The following TMC1 variants were observed in gnomAD, a reference collection of about 807,000 sequenced individuals.
TMC1 encodes the protein transmembrane channel-like protein 1.
In TMC1, 84 loss-of-function variants were observed where a neutral mutation model predicts 105.8. The observed-to-expected ratio is 0.79, with a 90% CI of 0.67 to 0.95. The LOEUF is 0.95. TMC1 is among the 40% of genes least tolerant of loss of function. The probability of loss-of-function intolerance (pLI) is 0.00; values close to 1 mark genes in which losing one functional copy is unlikely to be tolerated. For missense variants in TMC1, 817 were observed against 914.1 expected (o/e 0.89, Z 1.37); for synonymous variants, 315 against 311.5 (o/e 1.01, Z -0.12).
At chr9:72,555,170 C>T in intron 1 of TMC1, among the ~76,000 whole-genome samples, 1 of 150,712 alleles carries the variant, frequency 6.6e-6, no homozygotes, top group South Asian at 2.1e-4. Context: ...AAGCACCTGA[C>T]CTGAATTCTG....
chr9:72,768,331 G>A (rs1827871298), intron 12 of TMC1, among the ~76,000 whole-genome samples: 2 of 151,992 alleles, frequency 1.3e-5, no homozygotes, highest in South Asian at 4.2e-4. Flanking sequence ...TGGGGGGTTG[G>A]GGGCTAGGGG....
intron 5 of TMC1, among the ~76,000 whole-genome samples, chr9:72,655,338 A>C (rs1825867560): frequency 6.6e-6 from 1 of 152,186 alleles, no homozygotes; most frequent in African/African-American, 2.4e-5. Context: ...AGAATGGACT[A>C]ACACGGTACA....
chr9:72,701,731 GTTACCTCA>G (rs1826649665), intron 8 of TMC1, among the ~76,000 whole-genome samples: 1 of 152,158 alleles, frequency 6.6e-6, no homozygotes, highest in Non-Finnish European at 1.5e-5. Flanking sequence ...TGAAGCCTTA[GTTACCTCA>G]TATCCAAAAT....
intron 5 of TMC1, among the ~76,000 whole-genome samples, chr9:72,655,103 A>G (rs34111067): frequency 0.051 from 7,781 of 152,244 alleles, 238 homozygotes; most frequent in Non-Finnish European, 0.062. Flanking sequence ...TTCTCCTAAT[A>G]ATGAGTGAGT....
At chr9:72,715,525 T>A (rs1451896989) in intron 8 of TMC1, among the ~76,000 whole-genome samples, 1 of 152,088 alleles carries the variant, frequency 6.6e-6, no homozygotes, top group Non-Finnish European at 1.5e-5. Context: ...CTCCAATCTC[T>A]GATAGCCTTT....
intron 6 of TMC1, among the ~76,000 whole-genome samples, chr9:72,692,882 G>T (rs1432232927): frequency 6.6e-6 from 1 of 152,104 alleles, no homozygotes; most frequent in African/African-American, 2.4e-5. Context: ...ACTTTGGGAG[G>T]CCAAGGCAGG....
At chr9:72,804,190 C>T in intron 17 of TMC1, among the ~76,000 whole-genome samples, 1 of 152,074 alleles carries the variant, frequency 6.6e-6, no homozygotes, top group Non-Finnish European at 1.5e-5. Flanking sequence ...AGTGAGAAAA[C>T]ATGGACACAG....
chr9:72,647,695 T>C, intron 4 of TMC1, among the ~76,000 whole-genome samples: 1 of 152,142 alleles, frequency 6.6e-6, no homozygotes, highest in East Asian at 1.9e-4. Context: ...CTAGTCTATA[T>C]ATTCTAGAAG....
At chr9:72,634,273 C>G (rs576605006) in intron 4 of TMC1, among the ~76,000 whole-genome samples, 1 of 152,236 alleles carries the variant, frequency 6.6e-6, no homozygotes, top group South Asian at 2.1e-4. Flanking sequence ...AAAAATATCT[C>G]AGAGACCAAT....
At chr9:72,541,358 A>C (rs1823672960) in intron 1 of TMC1, among the ~76,000 whole-genome samples, 1 of 152,226 alleles carries the variant, frequency 6.6e-6, no homozygotes, top group Admixed American at 6.5e-5. Context: ...ATACTGAATA[A>C]GTATTTGTCT....
chr9:72,650,883 G>GATATAGATATATATATAAAT, intron 5 of TMC1, among the ~76,000 whole-genome samples: 1 of 98,410 alleles, frequency 1.0e-5, no homozygotes, highest in Admixed American at 1.0e-4. Flanking sequence ...TATATATATA[G>GATATAGATATATATATAAAT]ATATATAGAT....
intron 7 of TMC1, among the ~76,000 whole-genome samples, chr9:72,697,110 A>G (rs961264024): frequency 1.3e-5 from 2 of 152,172 alleles, no homozygotes; most frequent in African/African-American, 4.8e-5. Flanking sequence ...ATCTGGGGTC[A>G]TTTAGTACAG....
rs991299154 is a variant in TMC1 at position 72,570,834 on chromosome 9, A to T, written c.-427-7068A>T. 1.1e-3 allele frequency among the ~76,000 whole-genome samples: 171 copies of T among 149,024 alleles called. 1 individual carries two copies. The highest frequency in any genetic ancestry group is 4.0e-3 in the African/African-American group (163 of 40,902). On this transcript the variant is annotated intron_variant, in intron 1 of 23. Coordinates refer to ENST00000297784, the MANE Select transcript of TMC1 (RefSeq NM_138691.3). ...CTCCTGAGTAGCTGGGATTACAGGT[A>T]CTCACCACCATGCTTGGCTAATTTT... is the stretch of plus-strand genomic sequence containing the variant.
At chr9:72,544,088 A>G (rs1823724465) in intron 1 of TMC1, among the ~76,000 whole-genome samples, 1 of 151,468 alleles carries the variant, frequency 6.6e-6, no homozygotes, top group African/African-American at 2.4e-5. Context: ...AGTAGCTGGG[A>G]CTACAGCATG....
intron 2 of TMC1, 45 bp from the exon 3 acceptor site, chr9:72,616,323 T>C (rs897942663): frequency 2.0e-5 from 3 of 152,104 alleles, no homozygotes; most frequent in African/African-American, 7.2e-5. Context: ...CAGATCCAAG[T>C]CCCCTCCAAA....
At chr9:72,769,063 G>C (rs1178011442) in intron 12 of TMC1, among the ~76,000 whole-genome samples, 1 of 152,198 alleles carries the variant, frequency 6.6e-6, no homozygotes, top group Non-Finnish European at 1.5e-5. Flanking sequence ...GCTGGATAAA[G>C]AAAGCACAGG....
At chr9:72,763,705 A>G (rs1021111925) in intron 12 of TMC1, among the ~76,000 whole-genome samples, 1 of 152,184 alleles carries the variant, frequency 6.6e-6, no homozygotes, top group Admixed American at 6.5e-5. Context: ...ATGTGAAGGG[A>G]CATCAGAACA....
chr9:72,685,100 C>CTTTTTTTTTTTTTTTTT (rs71359515), intron 5 of TMC1, among the ~76,000 whole-genome samples: 15 of 91,044 alleles, frequency 1.6e-4, no homozygotes, highest in African/African-American at 7.1e-4. Context: ...TAAAGTCATT[C>CTTTTTTTTTTTTTTTTT]TTTTTTTTTT....
chr9:72,558,444 C>T (rs983113166), intron 1 of TMC1, among the ~76,000 whole-genome samples: 4 of 152,120 alleles, frequency 2.6e-5, no homozygotes, highest in African/African-American at 9.7e-5. Context: ...GAAATTCTGA[C>T]CTGAATTATC....
Sources: gnomAD v4.1 joint callset for allele counts (sites outside exome capture counted in the v4.1 genomes callset) on GRCh38, gnomAD v4.1.1 for gene constraint, MANE v1.5 for transcripts, NCBI Gene and HGNC (gene_info 2026-07-23, HGNC 2026-07-21) for gene names.